Variants in NKAIN3 observed in about 807,000 individuals in gnomAD.
NKAIN3 encodes the protein sodium/potassium transporting ATPase interacting 3.
NKAIN3 carries 25 observed loss-of-function variants against 30.2 expected under a neutral mutation model. The ratio of observed to expected loss-of-function variants is 0.83; its 90% CI spans 0.60 to 1.16. The LOEUF (loss-of-function observed/expected upper bound fraction) is 1.16. Among genes scored for constraint, NKAIN3 ranks in the 50% most tolerant of loss-of-function variants. The probability of loss-of-function intolerance (pLI) is 0.00; values close to 1 mark genes in which losing one functional copy is unlikely to be tolerated. For missense variants in NKAIN3, 225 were observed against 254.1 expected (o/e 0.89, Z 0.78); for synonymous variants, 91 against 89.6 (o/e 1.02, Z -0.09).
At chr8:62,504,773 G>C (rs997715726) in intron 1 of NKAIN3, among the ~76,000 whole-genome samples, 1 of 152,138 alleles carries the variant, frequency 6.6e-6, no homozygotes, top group African/African-American at 2.4e-5. Context: ...TCCTTTAGCT[G>C]TCAATCTCCC....
At chr8:62,635,788 A>G (rs1048799470) in intron 3 of NKAIN3, among the ~76,000 whole-genome samples, 8 of 152,182 alleles carry the variant, frequency 5.3e-5, no homozygotes, top group Admixed American at 4.6e-4. Flanking sequence ...TTTGTTGTTT[A>G]TAAGCCACCA....
At chr8:62,619,558 T>A (rs1382882726) in intron 3 of NKAIN3, among the ~76,000 whole-genome samples, 1 of 152,190 alleles carries the variant, frequency 6.6e-6, no homozygotes, top group African/African-American at 2.4e-5. Flanking sequence ...ATTTGATTGA[T>A]GTCTCATGTC....
At chr8:62,473,829 T>G (rs1008692229) in intron 1 of NKAIN3, 1 of 152,196 alleles carries the variant, frequency 6.6e-6, no homozygotes, top group Non-Finnish European at 1.5e-5. Flanking sequence ...AGGGATACAG[T>G]TAGCAAATAA....
chr8:62,332,259 G>T (rs1815380908), intron 1 of NKAIN3, among the ~76,000 whole-genome samples: 1 of 152,190 alleles, frequency 6.6e-6, no homozygotes, highest in East Asian at 1.9e-4. Flanking sequence ...AACAGCAAAT[G>T]CTTGAGACTT....
chr8:62,372,274 G>C (rs1252490226), intron 1 of NKAIN3, among the ~76,000 whole-genome samples: 1 of 151,824 alleles, frequency 6.6e-6, no homozygotes, highest in Non-Finnish European at 1.5e-5. Flanking sequence ...TTAGTGTTTA[G>C]GTAGATACTG....
chr8:62,876,172 C>G (rs111897403), intron 4 of NKAIN3, among the ~76,000 whole-genome samples: 43,682 of 152,078 alleles, frequency 0.29, 6,562 homozygotes, highest in African/African-American at 0.35. Context: ...AGGATATGAA[C>G]AGACACTTCT....
At chr8:62,805,297 A>G (rs1355389700) in intron 4 of NKAIN3, among the ~76,000 whole-genome samples, 1 of 151,880 alleles carries the variant, frequency 6.6e-6, no homozygotes, top group African/African-American at 2.4e-5. Flanking sequence ...ATTGGAAAAA[A>G]CTACTTTAAA....
intron 3 of NKAIN3, among the ~76,000 whole-genome samples, chr8:62,623,404 C>A (rs1811682217): frequency 6.6e-6 from 1 of 152,032 alleles, no homozygotes; most frequent in Non-Finnish European, 1.5e-5. Flanking sequence ...TATTTGTTTA[C>A]AAGAATAATT....
chr8:62,723,335 A>C (rs1308305215), intron 3 of NKAIN3, among the ~76,000 whole-genome samples: 1 of 152,162 alleles, frequency 6.6e-6, no homozygotes, highest in Non-Finnish European at 1.5e-5. Flanking sequence ...TTTTGTGTAA[A>C]TTAGGTAAAA....
At chr8:62,502,224 A>T (rs942358960) in intron 1 of NKAIN3, among the ~76,000 whole-genome samples, 1 of 152,076 alleles carries the variant, frequency 6.6e-6, no homozygotes, top group Non-Finnish European at 1.5e-5. Context: ...TATATATTTT[A>T]TTCTCCTTGC....
At chr8:62,559,327 G>GT (rs1270667989) in intron 1 of NKAIN3, among the ~76,000 whole-genome samples, 1 of 151,786 alleles carries the variant, frequency 6.6e-6, no homozygotes, top group Non-Finnish European at 1.5e-5. Context: ...TTTGAAGTGA[G>GT]TTTTTTGTAG....
At chr8:62,538,660 A>G (rs1382574221) in intron 1 of NKAIN3, among the ~76,000 whole-genome samples, 1 of 152,230 alleles carries the variant, frequency 6.6e-6, no homozygotes, top group African/African-American at 2.4e-5. Context: ...AACAAATTTC[A>G]GATATTCCAT....
chr8:62,343,578 G>C (rs1815824010), intron 1 of NKAIN3, among the ~76,000 whole-genome samples: 1 of 152,024 alleles, frequency 6.6e-6, no homozygotes, highest in African/African-American at 2.4e-5. Context: ...GGGAGGCTAA[G>C]GCAGGAGGAT....
chr8:62,502,258 T>C lies in NKAIN3; in HGVS notation c.55-77281T>C, dbSNP rs183736405. 3.4e-3 allele frequency among the ~76,000 whole-genome samples: 521 copies of C among 152,302 alleles called. 2 individuals carry two copies. Among genetic ancestry groups the C allele is most frequent in the African/African-American group, 0.012 (502 of 41,568 alleles). On this transcript the variant is annotated intron_variant, in intron 1 of 6. Coordinates refer to ENST00000623646, the MANE Select transcript of NKAIN3 (RefSeq NM_001304533.3). ...GCCCTTTCATCTTCTGTTCTATCTC[T>C]AGTCTTCCAGTCATTGCTAAATGTC...
At chr8:62,777,806 C>T (rs963085446) in intron 4 of NKAIN3, among the ~76,000 whole-genome samples, 1 of 152,064 alleles carries the variant, frequency 6.6e-6, no homozygotes, top group African/African-American at 2.4e-5. Flanking sequence ...TTGTAGTCTT[C>T]ATAGTTTGGG....
intron 1 of NKAIN3, among the ~76,000 whole-genome samples, chr8:62,441,217 A>G (rs550405851): frequency 1.3e-5 from 2 of 152,240 alleles, no homozygotes; most frequent in East Asian, 3.9e-4. Context: ...TTTAAGAGAT[A>G]ATATGCTATT....
intron 4 of NKAIN3, among the ~76,000 whole-genome samples, chr8:62,889,791 C>T (rs775147238): frequency 1.9e-4 from 29 of 152,108 alleles, no homozygotes; most frequent in Admixed American, 9.2e-4. Flanking sequence ...GGCCAGGATT[C>T]GGAGAGGAGA....
At chr8:62,592,361 A>C (rs928589197) in intron 3 of NKAIN3, among the ~76,000 whole-genome samples, 6 of 152,072 alleles carry the variant, frequency 3.9e-5, no homozygotes, top group Non-Finnish European at 8.8e-5. Flanking sequence ...TTTAATTTCT[A>C]GTAAGGTAAA....
chr8:62,636,979 C>T (rs1005495307), intron 3 of NKAIN3, among the ~76,000 whole-genome samples: 5 of 152,104 alleles, frequency 3.3e-5, no homozygotes, highest in African/African-American at 7.2e-5. Context: ...TCTTATTTTA[C>T]GTGAAAATTT....
Sources: gnomAD v4.1 joint callset for allele counts (sites outside exome capture counted in the v4.1 genomes callset) on GRCh38, gnomAD v4.1.1 for gene constraint, MANE v1.5 for transcripts, NCBI Gene and HGNC (gene_info 2026-07-23, HGNC 2026-07-21) for gene names.